The following ZBTB20 variants were observed in gnomAD, a reference collection of about 807,000 sequenced individuals.
ZBTB20 encodes zinc finger and BTB domain-containing protein 20.
A neutral mutation model predicts 56.9 loss-of-function variants in ZBTB20; 9 were observed. The observed-to-expected ratio is 0.16, with a 90% CI of 0.10 to 0.28. The LOEUF is 0.28. ZBTB20 is among the 10% of genes least tolerant of loss of function. The probability of loss-of-function intolerance (pLI) is 1.00; values close to 1 mark genes in which losing one functional copy is unlikely to be tolerated. For missense variants in ZBTB20, 655 were observed against 1,003.0 expected, an observed-to-expected ratio of 0.65 and a Z score of 4.69; for synonymous variants, 417 against 420.7, an observed-to-expected ratio of 0.99 and a Z score of 0.11.
At chr3:114,975,299 T>C (rs910577673) in intron 2 of ZBTB20, among the ~76,000 whole-genome samples, 11 of 152,198 alleles carry the variant, frequency 7.2e-5, no homozygotes, top group Non-Finnish European at 8.8e-5. Context: ...ATGATGACCT[T>C]GATGCCACAT....
intron 6 of ZBTB20, among the ~76,000 whole-genome samples, chr3:114,558,988 A>G (rs370923293): frequency 1.2e-4 from 19 of 152,090 alleles, no homozygotes; most frequent in African/African-American, 4.6e-4. Context: ...ATCTCCTTAC[A>G]TGCCATCCGT....
At chr3:114,403,164 G>A (rs1239391232) in intron 7 of ZBTB20, among the ~76,000 whole-genome samples, 1 of 152,136 alleles carries the variant, frequency 6.6e-6, no homozygotes, top group African/African-American at 2.4e-5. Flanking sequence ...ATAGAGAAAT[G>A]GTGGATGCTT....
intron 4 of ZBTB20, among the ~76,000 whole-genome samples, chr3:114,827,051 C>T (rs1223628010): frequency 1.3e-5 from 2 of 151,534 alleles, no homozygotes; most frequent in Non-Finnish European, 3.0e-5. Flanking sequence ...AATTCCTTAC[C>T]AATCATAATT....
intron 10 of ZBTB20, among the ~76,000 whole-genome samples, chr3:114,359,744 G>T (rs1038143665): frequency 1.3e-5 from 2 of 152,074 alleles, no homozygotes; most frequent in Non-Finnish European, 2.9e-5. Flanking sequence ...GTTTGAACTT[G>T]GCTTTGAATA....
At chr3:114,427,358 C>T (rs565222198) in intron 7 of ZBTB20, among the ~76,000 whole-genome samples, 1 of 152,180 alleles carries the variant, frequency 6.6e-6, no homozygotes, top group Non-Finnish European at 1.5e-5. Flanking sequence ...TTGAGAACAT[C>T]AGCAGGAATA....
At position 114,974,063 on chromosome 3, in the gene ZBTB20, T is replaced by TA. The variant is rs74552088; in HGVS notation, c.-456+302dup. 3.5e-3 allele frequency among the ~76,000 whole-genome samples: 380 copies of TA among 108,640 alleles called. 2 individuals are homozygous for TA. The highest frequency in any genetic ancestry group is 5.6e-3 in the Middle Eastern group (1 of 178). The allele number at this position is 108,640 out of a possible 152,430, so 71.3% of individuals were successfully genotyped here. On this transcript the variant is annotated intron_variant, in intron 3 of 11. Transcript: ENST00000675478. The stretch of plus-strand genomic sequence containing the variant: ...TTAAAATCATGAGTTCCAAACCAGT[T>TA]AAAAAAAAAAAAAAAAAGGAGGACA...
chr3:114,713,560 T>C (rs1051036034), intron 5 of ZBTB20, among the ~76,000 whole-genome samples: 1 of 152,198 alleles, frequency 6.6e-6, no homozygotes, highest in Non-Finnish European at 1.5e-5. Context: ...ATCATCTGGC[T>C]TTAAGAGAAC....
chr3:114,922,737 A>T (rs141262265), intron 3 of ZBTB20, among the ~76,000 whole-genome samples: 1,591 of 152,294 alleles, frequency 0.01, 31 homozygotes, highest in South Asian at 0.068. Context: ...TGGAGATTAC[A>T]AGGCAAGAGA....
rs1438040834 is a variant in ZBTB20, at chr3:114,320,556, GGCTACTCT to G, written c.*18441_*18448del. The G allele has an allele frequency of 1.3e-5, 2 of 152,078 alleles. No homozygotes were observed. Among genetic ancestry groups the G allele is most frequent in the Admixed American group, 1.3e-4 (2 of 15,256 alleles). The allele number at this position is 152,078 out of a possible 1,614,324, so 9.4% of individuals were successfully genotyped here. ...CAAGCACTGGTTAAAAAACAGGTAA[GGCTACTCT>G]TAGATTTCTAACTCAACATAGTTAA... On this transcript the variant is annotated 3_prime_UTR_variant, in exon 12 of 12. Transcript: ENST00000675478.
intron 7 of ZBTB20, among the ~76,000 whole-genome samples, chr3:114,461,928 C>A (rs1453991088): frequency 6.6e-6 from 1 of 152,190 alleles, no homozygotes; most frequent in African/African-American, 2.4e-5. Context: ...AGAGTGAGAT[C>A]ACCTGCTAAT....
Position 114,525,075 on chromosome 3 carries a change from C to T in ZBTB20, c.-294-24684G>A, listed in dbSNP as rs2669888. ...ACCATCACTACTCTAGCCTGTCACT[C>T]TCTATTTTATCACTCAGATTAATGT... is the stretch of plus-strand genomic sequence containing the variant. On this transcript the variant is annotated intron_variant, in intron 6 of 11. Coordinates refer to ENST00000675478, the MANE Select transcript of ZBTB20 (RefSeq NM_001348800.3). Among the ~76,000 whole-genome samples the T allele has an allele frequency of 4.8e-3, 736 of 152,270 alleles. 7 individuals are homozygous for T. The highest frequency in any genetic ancestry group is 0.017 in the African/African-American group (705 of 41,556).
At chr3:114,952,470 C>A (rs1576409268) in intron 3 of ZBTB20, among the ~76,000 whole-genome samples, 1 of 151,892 alleles carries the variant, frequency 6.6e-6, no homozygotes, top group African/African-American at 2.4e-5. Context: ...TCTTTTATAG[C>A]AGCAGAAAAT....
chr3:114,793,523 A>G (rs1167241761), intron 5 of ZBTB20, among the ~76,000 whole-genome samples: 1 of 152,142 alleles, frequency 6.6e-6, no homozygotes, highest in African/African-American at 2.4e-5. Context: ...CATTTTTCAA[A>G]GGAGGAAATG....
chr3:114,745,339 A>G (rs2066951921), intron 5 of ZBTB20, among the ~76,000 whole-genome samples: 1 of 152,144 alleles, frequency 6.6e-6, no homozygotes, highest in South Asian at 2.1e-4. Flanking sequence ...CCCAATGCCC[A>G]TTCATTAGAT....
intron 1 of ZBTB20, among the ~76,000 whole-genome samples, chr3:115,098,169 G>A (rs1414756581): frequency 6.6e-6 from 1 of 152,102 alleles, no homozygotes; most frequent in Non-Finnish European, 1.5e-5. Flanking sequence ...AAGCTGTGAT[G>A]TATTTATCCA....
rs186908013 is a variant in ZBTB20, at chr3:114,605,992, C to T, written c.-295+87536G>A. Reference sequence around the variant, plus strand: ...CTTTAGATAAGGTGATAAGGGAAGGCGGAGATCTGAATGAACAGAAAGAGA... The same window carrying T: ...CTTTAGATAAGGTGATAAGGGAAGGTGGAGATCTGAATGAACAGAAAGAGA... On this transcript the variant is annotated intron_variant, in intron 6 of 11. Coordinates refer to ENST00000675478, the MANE Select transcript of ZBTB20 (RefSeq NM_001348800.3). Among the ~76,000 whole-genome samples, 330 of 152,104 alleles carry T rather than the reference C, an allele frequency of 2.2e-3. 2 individuals carry two copies. The highest frequency in any genetic ancestry group is 7.5e-3 in the African/African-American group (310 of 41,506).
chr3:115,005,398 A>T (rs752803146), intron 2 of ZBTB20, among the ~76,000 whole-genome samples: 4 of 151,752 alleles, frequency 2.6e-5, no homozygotes, highest in African/African-American at 7.3e-5. Flanking sequence ...TTATCTAGGA[A>T]ATTATACACA....
chr3:114,891,390 G>C (rs776877752), intron 4 of ZBTB20, among the ~76,000 whole-genome samples: 26 of 152,172 alleles, frequency 1.7e-4, no homozygotes, highest in Non-Finnish European at 3.1e-4. Context: ...CCTGTATCAT[G>C]TCTCCTCAAG....
At chr3:114,407,525 G>A (rs1333451779) in intron 7 of ZBTB20, among the ~76,000 whole-genome samples, 1 of 152,158 alleles carries the variant, frequency 6.6e-6, no homozygotes, top group East Asian at 1.9e-4. Context: ...TGACAATTGG[G>A]AAGTAAAGAA....
Sources: gnomAD v4.1 joint callset for allele counts (sites outside exome capture counted in the v4.1 genomes callset) on GRCh38, gnomAD v4.1.1 for gene constraint, MANE v1.5 for transcripts, NCBI Gene and HGNC (gene_info 2026-07-23, HGNC 2026-07-21) for gene names.